ZNF438: variants seen among roughly 807,000 people sequenced by gnomAD.
ZNF438 encodes the protein zinc finger protein 438.
ZNF438 carries 25 observed loss-of-function variants against 38.0 expected under a neutral mutation model. The ratio of observed to expected loss-of-function variants is 0.66; its 90% CI spans 0.48 to 0.92. ZNF438 has a LOEUF of 0.92. Ranked by LOEUF, ZNF438 falls within the 40% of genes least tolerant of loss-of-function variation. The pLI, the probability that ZNF438 is intolerant of heterozygous loss-of-function variation, is 0.00. For synonymous variants in ZNF438, 372 were observed against 364.1 expected (o/e 1.02, Z -0.25); for missense variants, 1,007 against 999.6 (o/e 1.01, Z -0.10).
chr10:30,846,645 T>A (rs1009934586), intron 5 of ZNF438, among the ~76,000 whole-genome samples: 1 of 152,206 alleles, frequency 6.6e-6, no homozygotes, highest in Non-Finnish European at 1.5e-5. Flanking sequence ...CACAACTGCC[T>A]GCAGCTGCCC....
At chr10:30,983,012 A>G (rs931475705) in intron 1 of ZNF438, among the ~76,000 whole-genome samples, 25 of 152,324 alleles carry the variant, frequency 1.6e-4, no homozygotes, top group Non-Finnish European at 3.2e-4. Context: ...AAACTACACT[A>G]ACAGGGTCTC....
intron 1 of ZNF438, among the ~76,000 whole-genome samples, chr10:31,015,901 C>G (rs142624009): frequency 6.6e-6 from 1 of 152,126 alleles, no homozygotes; most frequent in Non-Finnish European, 1.5e-5. Flanking sequence ...CTCTTCCTCT[C>G]CTTATAGGGG....
chr10:30,849,941 A>T, exon 5 of ZNF438: 3 of 1,614,164 alleles, frequency 1.9e-6, no homozygotes, highest in Non-Finnish European at 8.5e-7. Flanking sequence ...CTGAGGACAC[A>T]TTTGGGTTTG....
At chr10:30,939,250 C>A (rs1382699232) in intron 2 of ZNF438, among the ~76,000 whole-genome samples, 1 of 152,144 alleles carries the variant, frequency 6.6e-6, no homozygotes, top group Non-Finnish European at 1.5e-5. Context: ...AGCATGACAA[C>A]CTCAATCGTC....
chr10:30,957,304 G>A (rs1386673595), intron 1 of ZNF438, among the ~76,000 whole-genome samples: 1 of 152,144 alleles, frequency 6.6e-6, no homozygotes, highest in Non-Finnish European at 1.5e-5. Context: ...CCCCTTGTCA[G>A]ATGTGTAGTT....
chr10:30,993,742 C>A (rs1456987959), intron 1 of ZNF438, among the ~76,000 whole-genome samples: 1 of 152,232 alleles, frequency 6.6e-6, no homozygotes, highest in Non-Finnish European at 1.5e-5. Context: ...ACTATACCAC[C>A]AGCATGCAGG....
chr10:30,845,757 C>T (rs1405257079), intron 5 of ZNF438, among the ~76,000 whole-genome samples, 184 bp from the exon 7 acceptor site: 1 of 152,200 alleles, frequency 6.6e-6, no homozygotes, highest in Non-Finnish European at 1.5e-5. Flanking sequence ...AATTGTCACT[C>T]CTGCTTGTGG....
chr10:30,984,414 CT>C, intron 1 of ZNF438: 1 of 152,094 alleles, frequency 6.6e-6, no homozygotes. Flanking sequence ...ACCGTAAATC[CT>C]TTTAATTAAT....
intron 4 of ZNF438, among the ~76,000 whole-genome samples, chr10:30,868,788 G>A (rs4749632): frequency 0.59 from 89,201 of 152,060 alleles, 26,428 homozygotes; most frequent in African/African-American, 0.62. Context: ...CATGTCACTG[G>A]GGCTGGATAC....
chr10:30,852,278 G>A (rs1217281902), intron 4 of ZNF438, among the ~76,000 whole-genome samples: 3 of 150,540 alleles, frequency 2.0e-5, no homozygotes, highest in Non-Finnish European at 3.0e-5. Flanking sequence ...GTGCGATCTC[G>A]GCTCACAGCA....
chr10:31,019,191 A>T (rs1480102980), intron 1 of ZNF438, among the ~76,000 whole-genome samples: 1 of 152,228 alleles, frequency 6.6e-6, no homozygotes, highest in Non-Finnish European at 1.5e-5. Flanking sequence ...CCTCTGTTCC[A>T]AACCCTCCAG....
chr10:30,859,254 G>T (rs994075532), intron 4 of ZNF438, among the ~76,000 whole-genome samples: 1 of 152,010 alleles, frequency 6.6e-6, no homozygotes, highest in Non-Finnish European at 1.5e-5. Flanking sequence ...GCTAATTTTT[G>T]TATTTTTTTA....
At chr10:30,915,390 T>C (rs898649870) in intron 2 of ZNF438, among the ~76,000 whole-genome samples, 2 of 152,068 alleles carry the variant, frequency 1.3e-5, no homozygotes, top group African/African-American at 4.8e-5. Flanking sequence ...GAATTGCAAT[T>C]GTGTATATTT....
intron 2 of ZNF438, chr10:30,920,509 A>C (rs1227616199): frequency 6.6e-6 from 1 of 152,144 alleles, no homozygotes; most frequent in Non-Finnish European, 1.5e-5. Context: ...TCTTCTTGAG[A>C]GGTAGCTACA....
intron 1 of ZNF438, among the ~76,000 whole-genome samples, chr10:30,982,372 A>G (rs951350801): frequency 6.6e-6 from 1 of 152,160 alleles, no homozygotes; most frequent in African/African-American, 2.4e-5. Context: ...AAGTGCTGAG[A>G]TTATAGGCAT....
intron 5 of ZNF438, among the ~76,000 whole-genome samples, chr10:30,847,842 C>T (rs1292371617): frequency 6.6e-6 from 1 of 152,228 alleles, no homozygotes; most frequent in African/African-American, 2.4e-5. Context: ...GGCCAGACCC[C>T]ACGCTCACTC....
intron 1 of ZNF438, among the ~76,000 whole-genome samples, chr10:31,028,833 C>A (rs1411473387): frequency 6.6e-6 from 1 of 152,164 alleles, no homozygotes; most frequent in Admixed American, 6.5e-5. Context: ...AAGAGACAGA[C>A]CTTGCCCCTA....
chr10:30,966,540 C>T (rs1243791981), intron 1 of ZNF438, among the ~76,000 whole-genome samples: 5 of 151,472 alleles, frequency 3.3e-5, no homozygotes, highest in African/African-American at 7.3e-5. Flanking sequence ...TGTGGTGGCA[C>T]GCACCTGTAG....
intron 1 of ZNF438, among the ~76,000 whole-genome samples, chr10:31,006,146 A>C (rs2055104785): frequency 1.3e-5 from 2 of 152,146 alleles, no homozygotes; most frequent in Non-Finnish European, 2.9e-5. Flanking sequence ...AGAATCTCCA[A>C]AGTGATGTCT....
Sources: gnomAD v4.1 joint callset for allele counts (sites outside exome capture counted in the v4.1 genomes callset) on GRCh38, gnomAD v4.1.1 for gene constraint, MANE v1.5 for transcripts, NCBI Gene and HGNC (gene_info 2026-07-23, HGNC 2026-07-21) for gene names.